Variants in ST8SIA5 observed in about 807,000 individuals in gnomAD.
The protein encoded by ST8SIA5 is ST8 alpha-N-acetyl-neuraminide alpha-2,8-sialyltransferase 5.
A neutral mutation model predicts 40.2 loss-of-function variants in ST8SIA5; 24 were observed. The ratio of observed to expected loss-of-function variants is 0.60; its 90% confidence interval spans 0.43 to 0.84. ST8SIA5 has a LOEUF of 0.84. ST8SIA5 is among the 40% of genes least tolerant of loss of function. ST8SIA5 has a pLI of 0.00. For missense variants in ST8SIA5, 465 were observed against 498.5 expected, an observed-to-expected ratio of 0.93 and a Z score of 0.64; for synonymous variants, 198 against 201.8, an observed-to-expected ratio of 0.98 and a Z score of 0.16.
chr18:46,719,224 C>T (rs957529905), intron 1 of ST8SIA5, among the ~76,000 whole-genome samples: 29 of 152,276 alleles, frequency 1.9e-4, no homozygotes, highest in African/African-American at 7.0e-4. Context: ...ATCAAAGGCA[C>T]CTGAATTCCA....
chr18:46,734,747 G>T (rs1009388991), intron 1 of ST8SIA5, among the ~76,000 whole-genome samples: 40 of 152,174 alleles, frequency 2.6e-4, no homozygotes, highest in African/African-American at 9.2e-4. Flanking sequence ...CAATGAACAA[G>T]AGTTTGCACT....
intron 1 of ST8SIA5, among the ~76,000 whole-genome samples, chr18:46,723,731 G>C (rs1013403183): frequency 5.3e-5 from 8 of 152,122 alleles, no homozygotes; most frequent in African/African-American, 1.7e-4. Flanking sequence ...TTCGAGACCA[G>C]CCTGGCCAGC....
chr18:46,703,414 T>C (rs2039637917), intron 2 of ST8SIA5, among the ~76,000 whole-genome samples: 1 of 152,176 alleles, frequency 6.6e-6, no homozygotes, highest in Non-Finnish European at 1.5e-5. Context: ...TTCACATGCC[T>C]TATTTCGGCT....
intron 5 of ST8SIA5, among the ~76,000 whole-genome samples, chr18:46,683,568 T>A (rs1305715952): frequency 1.3e-5 from 2 of 151,936 alleles, no homozygotes; most frequent in Non-Finnish European, 2.9e-5. Context: ...CGGTGGGCCA[T>A]GTGAAGAATG....
intron 2 of ST8SIA5, among the ~76,000 whole-genome samples, chr18:46,702,998 A>T (rs563164672): frequency 7.2e-5 from 11 of 152,240 alleles, no homozygotes; most frequent in Non-Finnish European, 1.6e-4. Context: ...GAGTCTGTGC[A>T]TGACAGTCCA....
rs1257037021 is a variant in ST8SIA5, at chr18:46,680,166, T to C, written c.1007A>G (p.His336Arg). ...ACGCGGCTTGACGTTGTCATAGTAG[T>C]GGTGAGTGATGTAGAGGCCCGAGGG... The part of the protein sequence containing the change: ...MNPSGLYITH[H>R]YYDNVKPRPG... Residue 336 changes from histidine to arginine, a missense_variant, in exon 7 of 7, where the codon CAC becomes CGC. Physicochemically the swap from His to Arg is conservative, Grantham distance 29. Transcript: ENST00000315087. 1 of 1,614,148 alleles carries C rather than the reference T, an allele frequency of 6.2e-7. No individual in the cohort carries two copies.
At chr18:46,738,265 AG>A (rs1173945138) in intron 1 of ST8SIA5, among the ~76,000 whole-genome samples, 41 of 150,484 alleles carry the variant, frequency 2.7e-4, no homozygotes, top group African/African-American at 7.8e-4. Flanking sequence ...AAAAAAAAAA[AG>A]GTGGGTGGGG....
At chr18:46,721,115 C>T (rs1447030075) in intron 1 of ST8SIA5, among the ~76,000 whole-genome samples, 2 of 152,172 alleles carry the variant, frequency 1.3e-5, no homozygotes, top group Admixed American at 6.5e-5. Flanking sequence ...AGACTCCCCA[C>T]CCTACCCCCT....
intron 5 of ST8SIA5, among the ~76,000 whole-genome samples, chr18:46,684,462 T>A (rs1262892186): frequency 6.6e-6 from 1 of 152,230 alleles, no homozygotes; most frequent in African/African-American, 2.4e-5. Flanking sequence ...TTATTCCTCA[T>A]ACTGACCCCA....
chr18:46,699,722 C>T (rs2039592881), intron 2 of ST8SIA5, among the ~76,000 whole-genome samples: 1 of 152,198 alleles, frequency 6.6e-6, no homozygotes, highest in Non-Finnish European at 1.5e-5. Context: ...GCACCCGGGT[C>T]TCACCCACTC....
chr18:46,718,148 G>A (rs58933766), intron 1 of ST8SIA5, among the ~76,000 whole-genome samples: 1,841 of 152,158 alleles, frequency 0.012, 35 homozygotes, highest in African/African-American at 0.043. Context: ...GGCCAACACA[G>A]TGAAACCCCG....
At chr18:46,699,520 C>G (rs2039589747) in intron 2 of ST8SIA5, among the ~76,000 whole-genome samples, 1 of 152,056 alleles carries the variant, frequency 6.6e-6, no homozygotes. Context: ...GCTGGGAATA[C>G]AGGCGCCTGC....
chr18:46,697,342 A>G (rs2039566995), intron 2 of ST8SIA5, among the ~76,000 whole-genome samples: 1 of 152,162 alleles, frequency 6.6e-6, no homozygotes, highest in African/African-American at 2.4e-5. Context: ...CAACTATTGG[A>G]GGAACAAAAC....
chr18:46,739,253 C>T (rs2040065225), intron 1 of ST8SIA5, among the ~76,000 whole-genome samples: 2 of 152,134 alleles, frequency 1.3e-5, no homozygotes, highest in South Asian at 2.1e-4. Context: ...GTAAAAGACC[C>T]TTCACTGGCC....
In ST8SIA5 at chr18:46,746,182, C is replaced by T. The variant is rs543293317; in HGVS notation, c.131+10196G>A. On this transcript the variant is annotated intron_variant, in intron 1 of 6. Transcript: ENST00000315087. ...AAGAAAATGATGTCCTCTCTCACCA[C>T]TCCTATTCAACATAGTGTTGGAAGT... Among the ~76,000 whole-genome samples, 6 of 152,318 alleles carry T rather than the reference C, an allele frequency of 3.9e-5. No individual in the cohort carries two copies. In the South Asian group the frequency reaches 1.2e-3, roughly 32 times the overall value.
chr18:46,702,680 A>T (rs1599115105), intron 2 of ST8SIA5, among the ~76,000 whole-genome samples: 1 of 152,204 alleles, frequency 6.6e-6, no homozygotes, highest in South Asian at 2.1e-4. Context: ...TTCCTCAGAG[A>T]AGCGTTGCCT....
intron 1 of ST8SIA5, among the ~76,000 whole-genome samples, chr18:46,731,290 C>T (rs1457341072): frequency 2.0e-5 from 3 of 152,170 alleles, no homozygotes; most frequent in South Asian, 2.1e-4. Context: ...ACTCTTTTGG[C>T]GTTGCACAAA....
At chr18:46,715,607 G>A (rs2039780552) in intron 1 of ST8SIA5, among the ~76,000 whole-genome samples, 1 of 151,568 alleles carries the variant, frequency 6.6e-6, no homozygotes, top group Non-Finnish European at 1.5e-5. Flanking sequence ...CACCCAGGCT[G>A]GAGTACAGTG....
intron 1 of ST8SIA5, among the ~76,000 whole-genome samples, chr18:46,727,810 C>CT: frequency 6.6e-6 from 1 of 152,064 alleles, no homozygotes; most frequent in Non-Finnish European, 1.5e-5. Context: ...TTCTCATGCT[C>CT]TTTTTTGGGG....
Sources: gnomAD v4.1 joint callset for allele counts (sites outside exome capture counted in the v4.1 genomes callset) on GRCh38, gnomAD v4.1.1 for gene constraint, MANE v1.5 for transcripts, NCBI Gene and HGNC (gene_info 2026-07-23, HGNC 2026-07-21) for gene names.